ETS1: variants seen among roughly 807,000 people sequenced by gnomAD.
ETS1 encodes protein C-ets-1.
A neutral mutation model predicts 58.6 loss-of-function variants in ETS1; 15 were observed. The ratio of observed to expected loss-of-function variants is 0.26; its 90% CI spans 0.17 to 0.39. The LOEUF (loss-of-function observed/expected upper bound fraction) is 0.39. ETS1 is among the 10% of genes least tolerant of loss of function. ETS1 has a pLI of 1.00. For missense variants in ETS1, 417 were observed against 610.5 expected (o/e 0.68, Z 3.34); for synonymous variants, 214 against 218.2 (o/e 0.98, Z 0.17).
rs181649038 is a variant in ETS1 at position 128,583,304 on chromosome 11, G to C, written c.-15+4184C>G. On this transcript the variant is annotated intron_variant, in intron 1 of 9. Coordinates refer to ENST00000392668, the MANE Select transcript of ETS1 (RefSeq NM_001143820.2). ...TAACCTCAGGTGCAATACAAACCCG[G>C]CTGGGGAGAATTGAGTAGCTCAGGA... is the stretch of plus-strand genomic sequence containing the variant. 2.0e-5 allele frequency among the ~76,000 whole-genome samples: 3 copies of C among 152,320 alleles called. No individual in the cohort carries two copies. In the East Asian group the frequency reaches 5.8e-4, roughly 29 times the overall value.
At chr11:128,564,895 A>G (rs1486211723) in intron 2 of ETS1, among the ~76,000 whole-genome samples, 4 of 152,032 alleles carry the variant, frequency 2.6e-5, no homozygotes, top group Non-Finnish European at 5.9e-5. Context: ...TTGCTCAGCA[A>G]TCTACACAAT....
intron 3 of ETS1, among the ~76,000 whole-genome samples, chr11:128,548,370 G>C (rs779588991): frequency 6.6e-6 from 1 of 151,194 alleles, no homozygotes; most frequent in Non-Finnish European, 1.5e-5. Flanking sequence ...GTAATTCTGT[G>C]AGGTGGGCAC....
At chr11:128,484,101 T>C (rs1862560975) in intron 7 of ETS1, among the ~76,000 whole-genome samples, 1 of 152,364 alleles carries the variant, frequency 6.6e-6, no homozygotes, top group South Asian at 2.1e-4. Flanking sequence ...ATTTTACCTT[T>C]TTTGCTTTAT....
At chr11:128,479,544 A>G (rs539794272) in intron 8 of ETS1, among the ~76,000 whole-genome samples, 2 of 152,360 alleles carry the variant, frequency 1.3e-5, no homozygotes, top group East Asian at 3.9e-4. Context: ...ATCAAAGTTC[A>G]AGCTCTCAAC....
chr11:128,511,166 C>A (rs1309218668), intron 3 of ETS1, among the ~76,000 whole-genome samples: 1 of 152,186 alleles, frequency 6.6e-6, no homozygotes, highest in Non-Finnish European at 1.5e-5. Flanking sequence ...AGCATTCCTC[C>A]AGCTACCTGA....
intron 3 of ETS1, among the ~76,000 whole-genome samples, chr11:128,499,135 C>G (rs890463524): frequency 6.6e-6 from 1 of 152,198 alleles, no homozygotes; most frequent in East Asian, 1.9e-4. Context: ...GATCATACGG[C>G]TTTTGGTACC....
intron 2 of ETS1, among the ~76,000 whole-genome samples, chr11:128,563,718 G>A (rs1357471030): frequency 1.3e-5 from 2 of 152,188 alleles, no homozygotes; most frequent in African/African-American, 4.8e-5. Context: ...CTGCATGAAA[G>A]GTCTTACATT....
At chr11:128,493,944 G>A (rs184951170) in intron 3 of ETS1, among the ~76,000 whole-genome samples, 6 of 152,180 alleles carry the variant, frequency 3.9e-5, no homozygotes, top group African/African-American at 7.2e-5. Flanking sequence ...ATCATTACAC[G>A]GGTGAAAAAT....
intron 7 of ETS1, among the ~76,000 whole-genome samples, chr11:128,480,718 T>C (rs2135442172): frequency 6.6e-6 from 1 of 152,288 alleles, no homozygotes; most frequent in Middle Eastern, 3.4e-3. Context: ...GAGTCAAACG[T>C]TGCTCACATC....
chr11:128,509,984 C>T (rs1294929740), intron 3 of ETS1, among the ~76,000 whole-genome samples: 8 of 152,184 alleles, frequency 5.3e-5, no homozygotes, highest in Non-Finnish European at 8.8e-5. Flanking sequence ...ATATTAGCTT[C>T]ACTTCTCTCA....
At chr11:128,507,270 AG>A (rs1445329918) in intron 3 of ETS1, among the ~76,000 whole-genome samples, 1 of 151,930 alleles carries the variant, frequency 6.6e-6, no homozygotes. Flanking sequence ...GGAGGGAGGG[AG>A]AGGGAAGGAG....
At chr11:128,469,899 G>A (rs568272740) in intron 8 of ETS1, among the ~76,000 whole-genome samples, 1 of 152,210 alleles carries the variant, frequency 6.6e-6, no homozygotes, top group East Asian at 1.9e-4. Flanking sequence ...TCTATAACTG[G>A]CCAATACGGC....
intron 3 of ETS1, among the ~76,000 whole-genome samples, chr11:128,516,011 T>C (rs11221335): frequency 0.18 from 27,275 of 152,200 alleles, 2,781 homozygotes; most frequent in South Asian, 0.24. Context: ...ATTTTGAGCG[T>C]GTCTGTTAAG....
At chr11:128,533,041 T>C (rs1467570967) in intron 3 of ETS1, among the ~76,000 whole-genome samples, 2 of 152,164 alleles carry the variant, frequency 1.3e-5, no homozygotes, top group Non-Finnish European at 2.9e-5. Context: ...CACTTCTCCT[T>C]AGCCCCGCTC....
intron 8 of ETS1, among the ~76,000 whole-genome samples, chr11:128,477,841 T>C (rs545258193): frequency 6.6e-6 from 1 of 152,342 alleles, no homozygotes; most frequent in East Asian, 1.9e-4. Context: ...AGGGTTTTTT[T>C]CTCTATGTCT....
intron 6 of ETS1, 74 bp downstream of exon 6, chr11:128,485,995 T>G: frequency 3.6e-6 from 3 of 840,224 alleles, no homozygotes; most frequent in Non-Finnish European, 6.1e-6. Context: ...TGAAGGAGCC[T>G]GAGATTCACT....
chr11:128,539,608 T>A (rs1317781865), intron 3 of ETS1, among the ~76,000 whole-genome samples: 2 of 152,166 alleles, frequency 1.3e-5, no homozygotes, highest in Non-Finnish European at 2.9e-5. Flanking sequence ...CAAATAGAGT[T>A]ACCATACGAC....
At position 128,480,429 on chromosome 11, in the gene ETS1, A is replaced by G. The variant is rs1454567730; in HGVS notation, c.885T>C (p.Ser295=). The G allele has an allele frequency of 2.5e-6, 4 of 1,613,708 alleles. No individual in the cohort carries two copies. The African/African-American group carries it at 4.0e-5, about 16-fold the overall frequency. Residue 295 remains serine, a synonymous_variant, in exon 8 of 10, where the codon TCT becomes TCC. Transcript: ENST00000392668. ...TSRGKLGGQD[S]FESIESYDSC... is the part of the protein sequence containing the mutation. Reference sequence around the variant, plus strand: ...TATCGTAGCTCTCTATGCTTTCAAAAGAGTCCTGGCCCCCGAGTTTACCTG... The same window carrying G: ...TATCGTAGCTCTCTATGCTTTCAAAGGAGTCCTGGCCCCCGAGTTTACCTG...
At position 128,480,443 on chromosome 11, in the gene ETS1, C is replaced by T. The variant is rs750182232; in HGVS notation, c.871G>A (p.Gly291Arg). Residue 291 changes from glycine to arginine, a missense_variant, in exon 8 of 10, where the codon GGG becomes AGG. Around this residue, in one of 4 missense-constraint regions of ETS1, gnomAD observed 139 missense variants for 152.1 expected, o/e 0.91. Coordinates refer to ENST00000392668, the MANE Select transcript of ETS1 (RefSeq NM_001143820.2). Reference sequence around the variant, plus strand: ...ATGCTTTCAAAAGAGTCCTGGCCCCCGAGTTTACCTGGAGGTAAAGGAGGA... The same window carrying T: ...ATGCTTTCAAAAGAGTCCTGGCCCCTGAGTTTACCTGGAGGTAAAGGAGGA... ...CMGRTSRGKL[G>R]GQDSFESIES... 9.9e-6 allele frequency: 16 copies of T among 1,611,050 alleles called. No individual in the cohort carries two copies. In the East Asian group the frequency reaches 1.6e-4, roughly 16 times the overall value.
Sources: allele counts gnomAD v4.1 joint callset (sites outside exome capture counted in the v4.1 genomes callset), GRCh38; gene constraint gnomAD v4.1.1; regional missense constraint gnomAD v4.1.1; transcripts MANE v1.5; gene names NCBI Gene and HGNC (gene_info 2026-07-23, HGNC 2026-07-21).